Variants in CNTNAP2 observed in about 807,000 individuals in gnomAD.
CNTNAP2 encodes the protein contactin-associated protein-like 2.
Under a neutral mutation model 155.2 loss-of-function variants are expected in CNTNAP2, and 98 were observed. The observed-to-expected ratio is 0.63, with a 90% CI of 0.54 to 0.75. The LOEUF (loss-of-function observed/expected upper bound fraction) is 0.75, where lower values mean the gene tolerates loss of function less well. Ranked by LOEUF, CNTNAP2 falls within the 30% of genes least tolerant of loss-of-function variation. The pLI is 0.00. For missense variants in CNTNAP2, 1,727 were observed against 1,688.1 expected, an observed-to-expected ratio of 1.02 and a Z score of -0.40; for synonymous variants, 651 against 631.2, an observed-to-expected ratio of 1.03 and a Z score of -0.47.
intron 1 of CNTNAP2, among the ~76,000 whole-genome samples, chr7:146,567,311 T>G (rs1798372001): frequency 6.6e-6 from 1 of 152,176 alleles, no homozygotes; most frequent in Admixed American, 6.5e-5. Context: ...TTTTTTAATC[T>G]TAAAGGATCA....
At chr7:146,368,848 A>G (rs1352710157) in intron 1 of CNTNAP2, among the ~76,000 whole-genome samples, 1 of 117,618 alleles carries the variant, frequency 8.5e-6, no homozygotes, top group African/African-American at 4.1e-5. Flanking sequence ...AAAATTATAT[A>G]CATATATATA....
chr7:148,322,616 T>TA (rs34488246), intron 21 of CNTNAP2, among the ~76,000 whole-genome samples: 71,949 of 151,868 alleles, frequency 0.47, 17,075 homozygotes, highest in African/African-American at 0.49. Context: ...ATCAAGGAGT[T>TA]AATTTTTTGC....
intron 10 of CNTNAP2, among the ~76,000 whole-genome samples, chr7:147,450,609 ATAT>A (rs1797815231): frequency 6.6e-6 from 1 of 152,196 alleles, no homozygotes; most frequent in African/African-American, 2.4e-5. Flanking sequence ...CCACCTAGCC[ATAT>A]TCATCAGATC....
chr7:147,388,137 A>C (rs1475284407), intron 9 of CNTNAP2, among the ~76,000 whole-genome samples: 1 of 152,044 alleles, frequency 6.6e-6, no homozygotes, highest in Non-Finnish European at 1.5e-5. Context: ...TTGATATTCA[A>C]AATCTCTTTT....
chr7:146,452,535 T>C (rs1369300205), intron 1 of CNTNAP2, among the ~76,000 whole-genome samples: 1 of 152,242 alleles, frequency 6.6e-6, no homozygotes, highest in Non-Finnish European at 1.5e-5. Flanking sequence ...TTCTCAGTTA[T>C]ATTTTTGTCT....
At chr7:147,208,912 A>G (rs944019221) in intron 8 of CNTNAP2, among the ~76,000 whole-genome samples, 5 of 152,018 alleles carry the variant, frequency 3.3e-5, no homozygotes, top group Admixed American at 3.3e-4. Flanking sequence ...ACTTCATTTA[A>G]TGGATTAATC....
chr7:147,103,056 A>G (rs186270223), intron 4 of CNTNAP2, among the ~76,000 whole-genome samples: 39 of 152,274 alleles, frequency 2.6e-4, no homozygotes, highest in Non-Finnish European at 5.1e-4. Context: ...AGTGACTCTA[A>G]TTTTTTAATG....
At chr7:146,133,778 T>G (rs534308709) in intron 1 of CNTNAP2, among the ~76,000 whole-genome samples, 1 of 152,334 alleles carries the variant, frequency 6.6e-6, no homozygotes, top group Admixed American at 6.5e-5. Context: ...TCTATATCTC[T>G]GTTTTGGTAC....
At chr7:146,355,054 CTG>C (rs995620081) in intron 1 of CNTNAP2, among the ~76,000 whole-genome samples, 1 of 152,126 alleles carries the variant, frequency 6.6e-6, no homozygotes. Context: ...TCAGAGGACA[CTG>C]TGATTTCTAA....
intron 12 of CNTNAP2, among the ~76,000 whole-genome samples, chr7:147,591,824 T>C (rs907155522): frequency 1.1e-4 from 16 of 152,076 alleles, no homozygotes; most frequent in Non-Finnish European, 2.1e-4. Flanking sequence ...TCTCACCAGG[T>C]AAACTCTCAT....
chr7:147,971,354 GT>G (rs1489500265), intron 14 of CNTNAP2, among the ~76,000 whole-genome samples: 20 of 152,074 alleles, frequency 1.3e-4, no homozygotes, highest in South Asian at 4.2e-4. Context: ...AAGTGTACAG[GT>G]TTTTTTAGTA....
intron 8 of CNTNAP2, among the ~76,000 whole-genome samples, chr7:147,293,868 G>A (rs1354222266): frequency 6.6e-6 from 1 of 152,134 alleles, no homozygotes; most frequent in Non-Finnish European, 1.5e-5. Context: ...ATAAGTTAGG[G>A]AGGTGTTAGA....
At chr7:147,737,496 G>A (rs7809709) in intron 13 of CNTNAP2, among the ~76,000 whole-genome samples, 1,698 of 152,204 alleles carry the variant, frequency 0.011, 39 homozygotes, top group African/African-American at 0.038. Flanking sequence ...CAGTCTGTCC[G>A]TTCGCAGATC....
At chr7:148,283,835 G>A (rs1010481949) in intron 21 of CNTNAP2, among the ~76,000 whole-genome samples, 3 of 152,120 alleles carry the variant, frequency 2.0e-5, no homozygotes, top group Non-Finnish European at 4.4e-5. Context: ...TGAGCTCAAT[G>A]TTAATAAATC....
chr7:146,421,544 A>T (rs1279109599), intron 1 of CNTNAP2, among the ~76,000 whole-genome samples: 1 of 152,018 alleles, frequency 6.6e-6, no homozygotes, highest in African/African-American at 2.4e-5. Flanking sequence ...TAATCTTTTA[A>T]ATGTTTAAAT....
At chr7:147,649,704 TTATTA>T (rs1425847548) in intron 13 of CNTNAP2, among the ~76,000 whole-genome samples, 5 of 152,006 alleles carry the variant, frequency 3.3e-5, no homozygotes, top group African/African-American at 1.2e-4. Flanking sequence ...GCATTTTAGT[TTATTA>T]TATTATAAAA....
chr7:147,043,836 C>A, intron 3 of CNTNAP2, 71 bp from the exon 4 acceptor site: 2 of 1,564,798 alleles, frequency 1.3e-6, no homozygotes, highest in South Asian at 1.1e-5. Context: ...TGTGTTTATT[C>A]TAGTAGACAG....
At chr7:147,656,152 G>A (rs1170871858) in intron 13 of CNTNAP2, among the ~76,000 whole-genome samples, 1 of 152,196 alleles carries the variant, frequency 6.6e-6, no homozygotes, top group Non-Finnish European at 1.5e-5. Flanking sequence ...GCCTTGCTCT[G>A]GATTAGGCTA....
At chr7:146,315,677 T>C (rs1800894479) in intron 1 of CNTNAP2, among the ~76,000 whole-genome samples, 1 of 152,230 alleles carries the variant, frequency 6.6e-6, no homozygotes, top group South Asian at 2.1e-4. Context: ...ACATTTTGTT[T>C]ATACATTTGT....
Sources: allele counts gnomAD v4.1 joint callset (sites outside exome capture counted in the v4.1 genomes callset), GRCh38; gene constraint gnomAD v4.1.1; transcripts MANE v1.5; gene names NCBI Gene and HGNC (gene_info 2026-07-23, HGNC 2026-07-21).